Variants in TNFSF8 observed in about 807,000 individuals in gnomAD.
TNFSF8 encodes the protein tumor necrosis factor ligand superfamily member 8.
Under a neutral mutation model 22.0 loss-of-function variants are expected in TNFSF8, and 4 were observed. The observed-to-expected ratio is 0.18, with a 90% CI of 0.09 to 0.42. The LOEUF is 0.42. Among genes scored for constraint, TNFSF8 ranks in the 10% least tolerant of loss-of-function variants. The probability of loss-of-function intolerance (pLI) is 1.00; values close to 1 mark genes in which losing one functional copy is unlikely to be tolerated. For synonymous variants in TNFSF8, 106 were observed against 112.5 expected (o/e 0.94, Z 0.37); for missense variants, 233 against 281.8 (o/e 0.83, Z 1.24).
At chr9:114,894,199 G>A (rs1212457098) in intron 4 of TNFSF8, 16 of 1,497,684 alleles carry the variant, frequency 1.1e-5, no homozygotes, top group East Asian at 7.4e-5. Flanking sequence ...TGTAGATATC[G>A]GCAGGAGAGA....
At chr9:114,905,648 G>A (rs1030593545) in intron 3 of TNFSF8, among the ~76,000 whole-genome samples, 180 bp downstream of exon 3, 2 of 152,142 alleles carry the variant, frequency 1.3e-5, no homozygotes, top group Non-Finnish European at 2.9e-5. Context: ...GGAGAATGAC[G>A]CTCTCCCCGC....
intron 2 of TNFSF8, among the ~76,000 whole-genome samples, chr9:114,906,919 G>A (rs1311076486): frequency 6.6e-6 from 1 of 152,106 alleles, no homozygotes; most frequent in Non-Finnish European, 1.5e-5. Flanking sequence ...ACCTGACATG[G>A]ACATCTTCTC....
chr9:114,923,882 A>T (rs984502310), intron 1 of TNFSF8, among the ~76,000 whole-genome samples: 1 of 152,194 alleles, frequency 6.6e-6, no homozygotes, highest in South Asian at 2.1e-4. Context: ...TCACCGCTTT[A>T]ATCAAGTGAC....
downstream of TNFSF8, among the ~76,000 whole-genome samples, chr9:114,897,494 G>A (rs1349300237): frequency 6.6e-6 from 1 of 152,154 alleles, no homozygotes; most frequent in Non-Finnish European, 1.5e-5. Flanking sequence ...AGAACCAGGG[G>A]TGAAGGGTAA....
Position 114,903,821 on chromosome 9 carries a change from C to A in TNFSF8, c.*110G>T, listed in dbSNP as rs1004943545. The stretch of plus-strand genomic sequence containing the variant: ...AGAAGGAGAAGTATACTATTTAATA[C>A]CCTGTGTAGTTTGTCTTGGTCTAAA... On this transcript the variant is annotated 3_prime_UTR_variant, in exon 4 of 4. Transcript: ENST00000223795. 8.0e-6 allele frequency: 12 copies of A among 1,504,716 alleles called. No homozygotes were observed. The African/African-American group carries it at 1.5e-4, about 19-fold the overall frequency. 93.2% of individuals were successfully genotyped at this position (1,504,716 alleles called of 1,614,324 possible).
intron 2 of TNFSF8, among the ~76,000 whole-genome samples, chr9:114,909,938 A>T (rs746769292): frequency 6.6e-6 from 1 of 152,190 alleles, no homozygotes; most frequent in African/African-American, 2.4e-5. Context: ...GTGCTCCTCA[A>T]TGTTGCCCCT....
intron 1 of TNFSF8, among the ~76,000 whole-genome samples, chr9:114,927,004 TA>T (rs1828070477): frequency 7.8e-6 from 1 of 128,608 alleles, no homozygotes; most frequent in South Asian, 2.2e-4. Context: ...ATAAAATGTT[TA>T]TTTTATAATA....
intron 2 of TNFSF8, among the ~76,000 whole-genome samples, chr9:114,913,002 A>G (rs1242284145): frequency 2.6e-5 from 4 of 152,210 alleles, no homozygotes; most frequent in Non-Finnish European, 5.9e-5. Context: ...TCAAAGCAAA[A>G]TCCATCTCAG....
rs145679188 is a variant in TNFSF8, at chr9:114,903,454, G to A, written c.*477C>T. 1.1e-3 allele frequency: 168 copies of A among 154,602 alleles called. 2 individuals carry two copies. Among genetic ancestry groups the A allele is most frequent in the Admixed American group, 9.1e-3 (140 of 15,412 alleles). 9.6% of individuals were successfully genotyped at this position (154,602 alleles called of 1,614,324 possible). On this transcript the variant is annotated 3_prime_UTR_variant, in exon 4 of 4. Transcript: ENST00000223795. ...TTCCTGTGTGAGAGAGTCCTTGATC[G>A]CGACTTGGACAACTAAGTATTAGGC...
chr9:114,915,584 C>T (rs1205010976), intron 2 of TNFSF8, among the ~76,000 whole-genome samples: 1 of 152,170 alleles, frequency 6.6e-6, no homozygotes, highest in Non-Finnish European at 1.5e-5. Context: ...GGAGGAGCCC[C>T]GGATTCTCAC....
At chr9:114,905,060 A>G (rs1774402520) in intron 3 of TNFSF8, among the ~76,000 whole-genome samples, 2 of 152,218 alleles carry the variant, frequency 1.3e-5, no homozygotes, top group South Asian at 4.1e-4. Flanking sequence ...TTGGAAGGTG[A>G]GTCTCTAAGT....
chr9:114,906,985 C>T (rs1251076743), intron 2 of TNFSF8, among the ~76,000 whole-genome samples: 8 of 152,322 alleles, frequency 5.3e-5, no homozygotes, highest in Middle Eastern at 3.4e-3. Context: ...AGGCAGCCAA[C>T]GGCCCATTCA....
chr9:114,919,252 G>A (rs983592124), intron 1 of TNFSF8, among the ~76,000 whole-genome samples: 2 of 151,616 alleles, frequency 1.3e-5, no homozygotes, highest in African/African-American at 4.8e-5. Flanking sequence ...ACATACAAAT[G>A]CATATTATAT....
At chr9:114,896,752 C>T (rs1473770497), downstream of TNFSF8, among the ~76,000 whole-genome samples, 2 of 152,142 alleles carry the variant, frequency 1.3e-5, no homozygotes, top group Non-Finnish European at 1.5e-5. Flanking sequence ...ATATACCACA[C>T]CTTGCTCAGA....
At chr9:114,914,541 C>A (rs901733674) in intron 2 of TNFSF8, among the ~76,000 whole-genome samples, 1 of 152,174 alleles carries the variant, frequency 6.6e-6, no homozygotes, top group African/African-American at 2.4e-5. Flanking sequence ...CAACATTCTC[C>A]TTGGTTCCGT....
Position 114,930,516 on chromosome 9 carries a change from C to A in TNFSF8, c.-213G>T, listed in dbSNP as rs903717069. The A allele has an allele frequency of 3.5e-5, 15 of 433,994 alleles. No individual in the cohort carries two copies. In the East Asian group the frequency reaches 5.6e-4, roughly 16 times the overall value. The allele number at this position is 433,994 out of a possible 1,614,324, so 26.9% of individuals were successfully genotyped here. A position where few individuals can be genotyped will look rare whatever the true frequency, so the allele number is the denominator to read the frequency against. On this transcript the variant is annotated 5_prime_UTR_variant, in exon 1 of 4. Coordinates refer to ENST00000223795, the MANE Select transcript of TNFSF8 (RefSeq NM_001244.4). ...TGGGGGAGAGGTTCATTTTTCATTG[C>A]CAGGGATTAAGTTGTGTGCAGAGAA...
At position 114,904,215 on chromosome 9, in the gene TNFSF8, T is replaced by C. The variant is rs757194418; in HGVS notation, c.421A>G (p.Ile141Val). ...LVIQFPGLYF[I>V]ICQLQFLVQC... is the part of the protein sequence containing the mutation. ...ACAAGAAACTGCAGTTGGCAAATGA[T>C]GAAGTACAAACCAGGGAATTGGATC... The change falls in exon 4 of 4, where the codon ATC (isoleucine) becomes GTC (valine). Residue 141 changes from isoleucine to valine, a missense_variant. By Grantham distance (29) the Ile-to-Val change is conservative (BLOSUM62 3). Transcript: ENST00000223795. 38 of 1,614,062 alleles carry C rather than the reference T, an allele frequency of 2.4e-5. No individual in the cohort carries two copies. In the Admixed American group the frequency reaches 5.3e-4, roughly 23 times the overall value.
At chr9:114,926,228 A>C (rs1316008618) in intron 1 of TNFSF8, among the ~76,000 whole-genome samples, 4 of 152,088 alleles carry the variant, frequency 2.6e-5, no homozygotes, top group African/African-American at 7.2e-5. Flanking sequence ...GAAAATGCAC[A>C]TTCCTCCTGG....
chr9:114,923,506 C>CT (rs1464090436), intron 1 of TNFSF8, among the ~76,000 whole-genome samples: 2 of 85,508 alleles, frequency 2.3e-5, no homozygotes, highest in Non-Finnish European at 3.9e-5. Context: ...TTCTTTCTTT[C>CT]TTTCTTTCTT....
Sources: allele counts gnomAD v4.1 joint callset (sites outside exome capture counted in the v4.1 genomes callset), GRCh38; gene constraint gnomAD v4.1.1; transcripts MANE v1.5; gene names NCBI Gene and HGNC (gene_info 2026-07-23, HGNC 2026-07-21).